DZANK1: variants seen among roughly 807,000 people sequenced by gnomAD.
DZANK1 encodes double zinc ribbon and ankyrin repeat domains 1.
A neutral mutation model predicts 94.5 loss-of-function variants in DZANK1; 91 were observed. That is an observed-to-expected ratio of 0.96 (90% CI 0.81 to 1.15). The LOEUF (loss-of-function observed/expected upper bound fraction) is 1.15. Among genes scored for constraint, DZANK1 ranks in the 50% most tolerant of loss-of-function variants. The pLI, the probability that DZANK1 is intolerant of heterozygous loss-of-function variation, is 0.00. For synonymous variants in DZANK1, 312 were observed against 325.3 expected (o/e 0.96, Z 0.44); for missense variants, 903 against 916.4 (o/e 0.99, Z 0.19).
At chr20:18,401,839 C>T (rs546589661) in intron 13 of DZANK1, among the ~76,000 whole-genome samples, 52 of 152,322 alleles carry the variant, frequency 3.4e-4, no homozygotes, top group Admixed American at 6.5e-4. Context: ...AGAACTATCA[C>T]GGTGTCTCTT....
chr20:18,448,450 CA>C (rs1447548768), intron 7 of DZANK1, among the ~76,000 whole-genome samples: 1 of 152,140 alleles, frequency 6.6e-6, no homozygotes, highest in Non-Finnish European at 1.5e-5. Flanking sequence ...TGAACTTACT[CA>C]TTTTCTTGAT....
chr20:18,438,774 C>T (rs1312486771), intron 8 of DZANK1, among the ~76,000 whole-genome samples: 15 of 152,200 alleles, frequency 9.9e-5, no homozygotes, highest in Admixed American at 8.5e-4. Flanking sequence ...AGGATGCCAG[C>T]GAATTCAGTA....
At chr20:18,460,355 T>C (rs1209842877) in intron 2 of DZANK1, 49 bp from the exon 3 acceptor site, 2 of 1,358,694 alleles carry the variant, frequency 1.5e-6, no homozygotes, top group Non-Finnish European at 2.0e-6. Flanking sequence ...AAGTAGCAAG[T>C]CCCTGAATAA....
intron 8 of DZANK1, among the ~76,000 whole-genome samples, chr20:18,436,202 C>G (rs1322482136): frequency 6.6e-6 from 1 of 152,094 alleles, no homozygotes; most frequent in Non-Finnish European, 1.5e-5. Context: ...AATGATCTGA[C>G]TGGTAGGGAA....
At chr20:18,448,932 A>G (rs1321696564) in intron 7 of DZANK1, 52 bp downstream of exon 7, 2 of 1,443,300 alleles carry the variant, frequency 1.4e-6, no homozygotes, top group African/African-American at 2.8e-5. Context: ...CTCTTTGACC[A>G]TGATGTATCT....
chr20:18,397,207 CT>C (rs1172134161), intron 14 of DZANK1, among the ~76,000 whole-genome samples: 1 of 152,156 alleles, frequency 6.6e-6, no homozygotes, highest in Non-Finnish European at 1.5e-5. Context: ...TTGCAGATCT[CT>C]GGATTAGGCT....
At chr20:18,414,612 C>CCCAG (rs2057401723) in intron 11 of DZANK1, 100 bp from the exon 12 acceptor site, 1 of 1,361,006 alleles carries the variant, frequency 7.3e-7, no homozygotes, top group Non-Finnish European at 9.9e-7. Flanking sequence ...GACTCTCTGA[C>CCCAG]CCAGCCATTC....
At chr20:18,400,639 T>C (rs79055897) in intron 13 of DZANK1, among the ~76,000 whole-genome samples, 1 of 152,190 alleles carries the variant, frequency 6.6e-6, no homozygotes, top group African/African-American at 2.4e-5. Flanking sequence ...ACAAGCAGGC[T>C]GAGATCTGGC....
intron 9 of DZANK1, among the ~76,000 whole-genome samples, chr20:18,428,107 C>T (rs373542358): frequency 4.0e-5 from 6 of 148,220 alleles, no homozygotes; most frequent in Admixed American, 6.7e-5. Context: ...GCTGAGACCG[C>T]GCCACTGCAC....
At chr20:18,429,408 A>C (rs903570356) in intron 9 of DZANK1, among the ~76,000 whole-genome samples, 1 of 152,170 alleles carries the variant, frequency 6.6e-6, no homozygotes, top group Non-Finnish European at 1.5e-5. Flanking sequence ...TGTTTTTTTA[A>C]ATTTTAATTA....
intron 8 of DZANK1, among the ~76,000 whole-genome samples, chr20:18,435,171 C>T (rs1179816463): frequency 6.6e-6 from 1 of 152,216 alleles, no homozygotes; most frequent in Non-Finnish European, 1.5e-5. Flanking sequence ...CCAGCCAACA[C>T]ACAGATCCAT....
At chr20:18,463,041 C>G (rs1327280205) in intron 2 of DZANK1, among the ~76,000 whole-genome samples, 1 of 151,838 alleles carries the variant, frequency 6.6e-6, no homozygotes, top group East Asian at 1.9e-4. Flanking sequence ...AATTGTTCTA[C>G]CAAAAGGACA....
rs549841281 is a variant in DZANK1, at chr20:18,412,885, T to C, written c.1243-50A>G. Reference sequence around the variant, plus strand: ...GTGAGGCAGAAGACATTTTTAAAATTAGAATATAATTTAATCAATCTTGCA... The same window carrying C: ...GTGAGGCAGAAGACATTTTTAAAATCAGAATATAATTTAATCAATCTTGCA... On this transcript the variant is annotated intron_variant, in intron 12 of 20. Transcript: ENST00000262547. The C allele has an allele frequency of 2.6e-6, 4 of 1,553,696 alleles. No individual in the cohort carries two copies. In the South Asian group the frequency reaches 4.6e-5, roughly 18 times the overall value.
chr20:18,416,788 A>G (rs2057510331), intron 10 of DZANK1, among the ~76,000 whole-genome samples: 1 of 151,878 alleles, frequency 6.6e-6, no homozygotes, highest in Admixed American at 6.6e-5. Flanking sequence ...TTAGAGGGAA[A>G]CTCCTTCAGG....
rs117492922 is a variant in DZANK1, at chr20:18,444,071, C to T, written c.630-607G>A. 3.5e-3 allele frequency among the ~76,000 whole-genome samples: 538 copies of T among 152,304 alleles called. 1 individual carries two copies. The highest frequency in any genetic ancestry group is 6.8e-3 in the Middle Eastern group (2 of 294). ...TCTTGGAATTAGGCTGCCCTAATTC[C>T]TTTCCTGCTACTGCCATGCCTTTCC... is the stretch of plus-strand genomic sequence containing the variant. On this transcript the variant is annotated intron_variant, in intron 7 of 20. Transcript: ENST00000262547.
In DZANK1 at chr20:18,427,322, C is replaced by T. The variant is rs61375963; in HGVS notation, c.862-163G>A. Among the ~76,000 whole-genome samples the T allele has an allele frequency of 2.4e-3, 363 of 152,000 alleles. 4 individuals carry two copies. The highest frequency in any genetic ancestry group is 0.02 in the Admixed American group (304 of 15,254). On this transcript the variant is annotated intron_variant, in intron 9 of 20. Coordinates refer to ENST00000262547, the Ensembl canonical transcript of DZANK1. ...AGGAGTTACTGTAAATAGTGTCAGACAAATATCTGTAGGTTTTTTTGGGTT... is the reference window on the plus strand; with the variant it reads ...AGGAGTTACTGTAAATAGTGTCAGATAAATATCTGTAGGTTTTTTTGGGTT...
At chr20:18,455,345 C>T (rs758011323) in exon 4 of DZANK1, 1 of 1,604,362 alleles carries the variant, frequency 6.2e-7, no homozygotes, top group Admixed American at 1.7e-5. Flanking sequence ...GTCACAATGC[C>T]ACTCTGTCTG....
chr20:18,419,336 T>G (rs1345758456), intron 10 of DZANK1, among the ~76,000 whole-genome samples: 1 of 150,862 alleles, frequency 6.6e-6, no homozygotes, highest in East Asian at 1.9e-4. Context: ...GGTGTGTACA[T>G]GGACTTCCAG....
intron 9 of DZANK1, among the ~76,000 whole-genome samples, chr20:18,430,851 C>G (rs1182847338): frequency 1.3e-5 from 2 of 152,006 alleles, no homozygotes; most frequent in East Asian, 1.9e-4. Context: ...AAGAAATGAC[C>G]AATAGATGCA....
Sources: allele counts gnomAD v4.1 joint callset (sites outside exome capture counted in the v4.1 genomes callset), GRCh38; gene constraint gnomAD v4.1.1; transcripts MANE v1.5; gene names NCBI Gene and HGNC (gene_info 2026-07-23, HGNC 2026-07-21).